The following FAM13A variants were observed in gnomAD, a reference collection of about 807,000 sequenced individuals.
FAM13A encodes the protein family with sequence similarity 13 member A.
FAM13A carries 76 observed loss-of-function variants against 129.6 expected under a neutral mutation model. The observed-to-expected ratio is 0.59, with a 90% CI of 0.49 to 0.71. The LOEUF (loss-of-function observed/expected upper bound fraction) is 0.71. FAM13A is among the 30% of genes least tolerant of loss of function. The pLI is 0.00. For missense variants in FAM13A, 1,108 were observed against 1,249.3 expected (o/e 0.89, Z 1.70); for synonymous variants, 443 against 449.9 (o/e 0.98, Z 0.20).
chr4:88,913,001 GGAA>G (rs1749337300), intron 5 of FAM13A, among the ~76,000 whole-genome samples: 1 of 147,880 alleles, frequency 6.8e-6, no homozygotes, highest in African/African-American at 2.5e-5. Flanking sequence ...GAAGAAAGAA[GGAA>G]GAAGAGGAGG....
chr4:88,996,973 T>C (rs1329036609), intron 3 of FAM13A, among the ~76,000 whole-genome samples: 2 of 152,192 alleles, frequency 1.3e-5, no homozygotes, highest in Non-Finnish European at 2.9e-5. Flanking sequence ...GTGGAATAAT[T>C]TAGTCCATTT....
chr4:88,839,458 G>C (rs1233429296), intron 7 of FAM13A, among the ~76,000 whole-genome samples: 1 of 152,188 alleles, frequency 6.6e-6, no homozygotes, highest in East Asian at 1.9e-4. Context: ...CAATCTCATG[G>C]AATAGACAGT....
chr4:88,880,956 T>C (rs1743459988), intron 6 of FAM13A, among the ~76,000 whole-genome samples: 2 of 152,030 alleles, frequency 1.3e-5, no homozygotes, highest in South Asian at 4.1e-4. Context: ...ACCATGCCCC[T>C]ATCCCCGACA....
intron 4 of FAM13A, 48 bp downstream of exon 4, chr4:88,990,925 C>T (rs761579259): frequency 3.7e-5 from 53 of 1,435,296 alleles, no homozygotes; most frequent in Non-Finnish European, 5.1e-5. Flanking sequence ...CAGTAGTAAA[C>T]ACAAAGGGGG....
At chr4:88,925,600 G>C (rs1486398189) in intron 5 of FAM13A, among the ~76,000 whole-genome samples, 1 of 151,328 alleles carries the variant, frequency 6.6e-6, no homozygotes, top group Non-Finnish European at 1.5e-5. Context: ...GCTAAATGTC[G>C]AGTTAATGGG....
At chr4:88,986,464 TA>T (rs1188962650) in intron 4 of FAM13A, among the ~76,000 whole-genome samples, 1 of 152,214 alleles carries the variant, frequency 6.6e-6, no homozygotes, top group African/African-American at 2.4e-5. Flanking sequence ...GTAAGTGTTA[TA>T]AAAATTTAAA....
intron 6 of FAM13A, among the ~76,000 whole-genome samples, chr4:88,866,514 A>T (rs1464427999): frequency 6.6e-6 from 1 of 152,182 alleles, no homozygotes; most frequent in Non-Finnish European, 1.5e-5. Flanking sequence ...TCAAAGGGCC[A>T]ACCTTGCACA....
chr4:88,843,067 A>C (rs1736087415), intron 7 of FAM13A, among the ~76,000 whole-genome samples: 1 of 152,224 alleles, frequency 6.6e-6, no homozygotes, highest in Non-Finnish European at 1.5e-5. Flanking sequence ...CATGGGAGCT[A>C]GTGGCGGTCA....
intron 5 of FAM13A, among the ~76,000 whole-genome samples, chr4:88,922,551 A>C (rs1290288035): frequency 2.0e-5 from 3 of 152,140 alleles, no homozygotes; most frequent in African/African-American, 4.8e-5. Flanking sequence ...CATTCAAAGC[A>C]GTGTGTAGAG....
Position 88,768,001 on chromosome 4 carries a change from T to A in FAM13A, c.1517A>T (p.Glu506Val). The change falls in exon 12 of 24, where the codon GAA (glutamate) becomes GTA (valine). Residue 506 changes from glutamate to valine, a missense_variant. Glu to Val is a moderately radical substitution (Grantham distance 121). Coordinates refer to ENST00000264344, the MANE Select transcript of FAM13A (RefSeq NM_014883.4). ...SHERTGPDDF[E>V]WMSDERKGNE... ...AAATTACCTTTCATCAGACATCCAT[T>A]CAAAATCATCAGGTCCAGTTCTCTC... 1.2e-6 allele frequency: 2 copies of A among 1,604,150 alleles called. No homozygotes were observed. The highest frequency in any genetic ancestry group is 1.7e-6 in the Non-Finnish European group (2 of 1,171,238).
chr4:88,870,062 T>TA (rs1182198607), intron 6 of FAM13A, among the ~76,000 whole-genome samples: 8 of 151,782 alleles, frequency 5.3e-5, no homozygotes, highest in Admixed American at 1.3e-4. Context: ...GCCTTTGATC[T>TA]AAAGCACATT....
rs559686542 is a variant in FAM13A at position 88,916,057 on chromosome 4, A to G, written c.760-9595T>C. Reference sequence around the variant, plus strand: ...TTATAAATTAAAAAAAAGAAGAAGAAGAGGAAGAGAGATTTGAACTAGCAC... The same window carrying G: ...TTATAAATTAAAAAAAAGAAGAAGAGGAGGAAGAGAGATTTGAACTAGCAC... On this transcript the variant is annotated intron_variant, in intron 5 of 23. Transcript: ENST00000264344. 2.6e-5 allele frequency among the ~76,000 whole-genome samples: 4 copies of G among 152,226 alleles called. No individual in the cohort carries two copies. In the East Asian group the frequency reaches 7.7e-4, roughly 29 times the overall value.
chr4:88,747,201 G>A (rs1411284437), intron 18 of FAM13A, among the ~76,000 whole-genome samples, 186 bp from the exon 19 acceptor site: 2 of 152,170 alleles, frequency 1.3e-5, no homozygotes, highest in Non-Finnish European at 2.9e-5. Context: ...GGCCAGCACA[G>A]CAGAATCATC....
intron 10 of FAM13A, among the ~76,000 whole-genome samples, chr4:88,782,729 A>G (rs1372585982): frequency 1.3e-5 from 2 of 152,156 alleles, no homozygotes; most frequent in South Asian, 2.1e-4. Flanking sequence ...ATGCACATTT[A>G]TAAGAGATAT....
intron 4 of FAM13A, among the ~76,000 whole-genome samples, chr4:88,970,479 A>G (rs1055673263): frequency 6.6e-6 from 1 of 151,202 alleles, no homozygotes; most frequent in African/African-American, 2.4e-5. Flanking sequence ...AATCAGATAT[A>G]TATCAGATAT....
intron 13 of FAM13A, among the ~76,000 whole-genome samples, chr4:88,760,552 C>T (rs1195951820): frequency 0.021 from 532 of 25,752 alleles, 108 homozygotes; most frequent in African/African-American, 0.036. Context: ...TGCAGTGAGC[C>T]GAGGTCGCGC....
intron 7 of FAM13A, among the ~76,000 whole-genome samples, chr4:88,841,496 A>G (rs1291013279): frequency 7.8e-6 from 1 of 127,958 alleles, no homozygotes; most frequent in East Asian, 1.9e-4. Context: ...TCTGTCTCAA[A>G]AAAAAAAAAA....
intron 3 of FAM13A, among the ~76,000 whole-genome samples, chr4:89,013,055 G>A (rs2670620): frequency 0.1 from 15,935 of 151,876 alleles, 907 homozygotes; most frequent in African/African-American, 0.15. Context: ...ACTGGCAAGC[G>A]CAGCATCTGC....
At chr4:88,952,631 T>C (rs1317696879) in intron 4 of FAM13A, among the ~76,000 whole-genome samples, 1 of 152,200 alleles carries the variant, frequency 6.6e-6, no homozygotes, top group Non-Finnish European at 1.5e-5. Context: ...GTCCACTGAA[T>C]ACCACAGAAA....
Sources: allele counts gnomAD v4.1 joint callset (sites outside exome capture counted in the v4.1 genomes callset), GRCh38; gene constraint gnomAD v4.1.1; transcripts MANE v1.5; gene names NCBI Gene and HGNC (gene_info 2026-07-23, HGNC 2026-07-21).